Variants in PEX5L observed in about 807,000 individuals in gnomAD.
PEX5L encodes the protein peroxisomal biogenesis factor 5 like, also known as PEX5-related protein.
A neutral mutation model predicts 84.0 loss-of-function variants in PEX5L; 30 were observed. That is an observed-to-expected ratio of 0.36 (90% CI 0.27 to 0.48). PEX5L has a LOEUF of 0.48. Among genes scored for constraint, PEX5L ranks in the 20% least tolerant of loss-of-function variants. The probability of loss-of-function intolerance (pLI) is 0.99; values close to 1 mark genes in which losing one functional copy is unlikely to be tolerated. For missense variants in PEX5L, 533 were observed against 754.6 expected (o/e 0.71, Z 3.44); for synonymous variants, 270 against 283.1 (o/e 0.95, Z 0.46).
chr3:179,947,800 G>A, intron 2 of PEX5L, among the ~76,000 whole-genome samples: 1 of 149,372 alleles, frequency 6.7e-6, no homozygotes, highest in Admixed American at 6.7e-5. Context: ...TCTGCCTCCT[G>A]GGTTCATGCC....
rs370365159 is a variant in PEX5L, at chr3:179,898,244, T to G, written c.96A>C (p.Gly32=). 9 of 1,606,482 alleles carry G rather than the reference T, an allele frequency of 5.6e-6. No individual in the cohort carries two copies. The highest frequency in any genetic ancestry group is 1.7e-4 in the Middle Eastern group (1 of 6,036). The stretch of plus-strand genomic sequence containing the variant: ...CCTTATCTGCCGCCCTAGAGCCTTT[T>G]CCCTATAACAGTGAAATCAACAATG... The part of the protein sequence containing the change: ...DLEIIVDQKQ[G]KGSRAADKAV... Residue 32 remains glycine (G), a splice_region_variant and synonymous_variant, in exon 3 of 15, where the codon GGA becomes GGC. Coordinates refer to ENST00000467460, the MANE Select transcript of PEX5L (RefSeq NM_016559.3).
chr3:179,830,518 T>C (rs946763914), intron 8 of PEX5L, among the ~76,000 whole-genome samples: 1 of 152,118 alleles, frequency 6.6e-6, no homozygotes, highest in Non-Finnish European at 1.5e-5. Context: ...GGAAGGTGAA[T>C]GTGTCTGTGT....
chr3:179,974,269 A>G, intron 1 of PEX5L: 1 of 868,030 alleles, frequency 1.2e-6, no homozygotes, highest in Non-Finnish European at 1.4e-6. Context: ...GTGAGGGGGC[A>G]GGGCTTCTGT....
chr3:179,997,721 T>A (rs1788022008), intron 1 of PEX5L, among the ~76,000 whole-genome samples: 1 of 152,212 alleles, frequency 6.6e-6, no homozygotes, highest in African/African-American at 2.4e-5. Flanking sequence ...GTGACTCCAA[T>A]TGCAAGTGCT....
intron 9 of PEX5L, among the ~76,000 whole-genome samples, chr3:179,818,010 T>C (rs1290565871): frequency 6.6e-6 from 1 of 152,152 alleles, no homozygotes; most frequent in East Asian, 1.9e-4. Flanking sequence ...TTTTATGAGA[T>C]TGCCTGGCCC....
intron 1 of PEX5L, among the ~76,000 whole-genome samples, chr3:180,014,820 T>A (rs1789805658): frequency 6.7e-6 from 1 of 149,388 alleles, no homozygotes; most frequent in Non-Finnish European, 1.5e-5. Context: ...AACCCCGAAA[T>A]CTGAATTGGG....
chr3:179,829,701 G>C (rs1466843864), intron 8 of PEX5L, among the ~76,000 whole-genome samples: 1 of 151,672 alleles, frequency 6.6e-6, no homozygotes, highest in East Asian at 1.9e-4. Flanking sequence ...AACGTCAACA[G>C]AGGGATTAGT....
chr3:179,994,103 A>C (rs1164287752), intron 1 of PEX5L, among the ~76,000 whole-genome samples: 1 of 152,174 alleles, frequency 6.6e-6, no homozygotes, highest in African/African-American at 2.4e-5. Context: ...TACATAGTTT[A>C]TCTCTAATGG....
chr3:179,940,297 G>A (rs1428191032), intron 2 of PEX5L, among the ~76,000 whole-genome samples: 1 of 151,914 alleles, frequency 6.6e-6, no homozygotes, highest in Non-Finnish European at 1.5e-5. Flanking sequence ...TGGAGAGGTG[G>A]GAAGAGAGAG....
intron 8 of PEX5L, among the ~76,000 whole-genome samples, chr3:179,823,385 A>G (rs1465043552): frequency 6.6e-6 from 1 of 152,200 alleles, no homozygotes; most frequent in Non-Finnish European, 1.5e-5. Flanking sequence ...CTTGAGTTAT[A>G]ATGTTTCTTG....
intron 1 of PEX5L, among the ~76,000 whole-genome samples, chr3:179,976,574 A>G (rs1200804695): frequency 6.6e-6 from 1 of 152,074 alleles, no homozygotes; most frequent in Admixed American, 6.6e-5. Context: ...AGTAGCTGGG[A>G]TTACAGGCAC....
rs772767196 is a variant in PEX5L, at chr3:179,795,864, TAA to T, written c.*5962_*5963del. 1 of 152,334 alleles carries T rather than the reference TAA, an allele frequency of 6.6e-6. No individual in the cohort carries two copies. Among genetic ancestry groups the T allele is most frequent in the Admixed American group, 6.5e-5 (1 of 15,300 alleles). The allele number at this position is 152,334 out of a possible 1,614,324, so 9.4% of individuals were successfully genotyped here. A position where few individuals can be genotyped will look rare whatever the true frequency, so the allele number is the denominator to read the frequency against. On this transcript the variant is annotated 3_prime_UTR_variant, in exon 15 of 15. Coordinates refer to ENST00000467460, the MANE Select transcript of PEX5L (RefSeq NM_016559.3). ...TTGTTACAGTTTGTAAAAAGTTTAATAAATTAATCAGTTTTTTTTCAACCAAT... is the reference window on the plus strand; with the variant it reads ...TTGTTACAGTTTGTAAAAAGTTTAATATTAATCAGTTTTTTTTCAACCAAT...
intron 1 of PEX5L, among the ~76,000 whole-genome samples, chr3:180,024,370 A>ATATC (rs1790720765): frequency 8.4e-6 from 1 of 118,900 alleles, no homozygotes; most frequent in Non-Finnish European, 1.6e-5. Flanking sequence ...ATATATATAT[A>ATATC]TATACACACA....
At chr3:179,891,940 C>T (rs774021623) in intron 3 of PEX5L, among the ~76,000 whole-genome samples, 3 of 152,122 alleles carry the variant, frequency 2.0e-5, no homozygotes, top group African/African-American at 4.8e-5. Flanking sequence ...AACATTTATT[C>T]TTTCCTTATG....
intron 2 of PEX5L, among the ~76,000 whole-genome samples, chr3:179,919,477 G>A (rs192975828): frequency 6.6e-4 from 101 of 152,270 alleles, no homozygotes; most frequent in African/African-American, 1.3e-3. Context: ...GCTGGGTCAC[G>A]CTTGATGGAA....
intron 2 of PEX5L, among the ~76,000 whole-genome samples, chr3:179,905,341 T>G (rs1433554021): frequency 6.6e-6 from 1 of 151,824 alleles, no homozygotes; most frequent in African/African-American, 2.4e-5. Context: ...GGCGCGATCT[T>G]GGCTCACTGC....
chr3:179,862,752 C>T (rs1311219383), intron 7 of PEX5L, among the ~76,000 whole-genome samples: 1 of 152,080 alleles, frequency 6.6e-6, no homozygotes, highest in Non-Finnish European at 1.5e-5. Context: ...TGTTAAATTT[C>T]CCAAACACTC....
Position 179,868,907 on chromosome 3 carries a change from G to A in PEX5L, c.726+5420C>T, listed in dbSNP as rs554577620. On this transcript the variant is annotated intron_variant, in intron 7 of 14. Coordinates refer to ENST00000467460, the MANE Select transcript of PEX5L (RefSeq NM_016559.3). ...GGGGGGTTGGGTCTTCGTTCCGAGGGCTCCTGTGTATACACGTTAAGAACA... is the reference window on the plus strand; with the variant it reads ...GGGGGGTTGGGTCTTCGTTCCGAGGACTCCTGTGTATACACGTTAAGAACA... Among the ~76,000 whole-genome samples the A allele has an allele frequency of 2.6e-5, 4 of 151,292 alleles. No individual in the cohort carries two copies. In the East Asian group the frequency reaches 7.7e-4, roughly 29 times the overall value.
At chr3:179,942,668 T>C (rs115208338) in intron 2 of PEX5L, among the ~76,000 whole-genome samples, 3 of 152,202 alleles carry the variant, frequency 2.0e-5, no homozygotes, top group African/African-American at 7.2e-5. Context: ...TGGAAGACAG[T>C]GGACTGGGAC....
Sources: allele counts gnomAD v4.1 joint callset (sites outside exome capture counted in the v4.1 genomes callset), GRCh38; gene constraint gnomAD v4.1.1; transcripts MANE v1.5; gene names NCBI Gene and HGNC (gene_info 2026-07-23, HGNC 2026-07-21).